ABCG1: variants seen among roughly 807,000 people sequenced by gnomAD.
ABCG1 encodes the protein ATP-binding cassette sub-family G member 1.
Under a neutral mutation model 69.2 loss-of-function variants are expected in ABCG1, and 29 were observed. The ratio of observed to expected loss-of-function variants is 0.42; its 90% CI spans 0.31 to 0.57. ABCG1 has a LOEUF of 0.57. Ranked by LOEUF, ABCG1 falls within the 20% of genes least tolerant of loss-of-function variation. The pLI is 0.15. For missense variants in ABCG1, 718 were observed against 898.1 expected, an observed-to-expected ratio of 0.80 and a Z score of 2.56; for synonymous variants, 370 against 374.8, an observed-to-expected ratio of 0.99 and a Z score of 0.15.
chr21:42,213,234 C>T (rs77516883), upstream of ABCG1, among the ~76,000 whole-genome samples: 3,021 of 152,330 alleles, frequency 0.02, 39 homozygotes, highest in Middle Eastern at 0.037. Context: ...CCCAGGGTGC[C>T]GAGGTCTGGG....
chr21:42,238,200 A>G (rs569064744), intron 2 of ABCG1, among the ~76,000 whole-genome samples: 1 of 152,202 alleles, frequency 6.6e-6, no homozygotes, highest in Non-Finnish European at 1.5e-5. Context: ...CTTCACAGCA[A>G]CCCTGCGGTC....
Position 42,291,545 on chromosome 21 carries a change from G to T in ABCG1, c.1542G>T (p.Ser514=). Residue 514 remains serine (S), a synonymous_variant, in exon 13 of 15, where the codon TCG becomes TCT. Coordinates refer to ENST00000398449, the MANE Select transcript of ABCG1 (RefSeq NM_016818.3). This position sits in a 1 kb window ranked among gnomAD's most constrained non-coding sequence, Gnocchi z 6.4. ...GCAGCATCGTGTACTGGATGACGTC[G>T]CAGCCGTCCGACGCCGTGCGCTTTG... is the stretch of plus-strand genomic sequence containing the variant. The part of the protein sequence containing the change: ...AYCSIVYWMT[S]QPSDAVRFVL... 6.2e-7 allele frequency: 1 copy of T among 1,613,602 alleles called. No homozygotes were observed. Among genetic ancestry groups the T allele is most frequent in the Non-Finnish European group, 8.5e-7 (1 of 1,179,864 alleles).
Position 42,286,008 on chromosome 21 carries a change from T to C in ABCG1, c.973+14T>C. ...CAGCAGATTTTGGTAAGCGGAGTCC[T>C]GAGCAGCTCGGGGGACAGAAAGGGG... On this transcript the variant is annotated intron_variant, in intron 8 of 14. Transcript: ENST00000398449. The C allele has an allele frequency of 1.9e-6, 3 of 1,569,346 alleles. No homozygotes were observed. Among genetic ancestry groups the C allele is most frequent in the Non-Finnish European group, 2.6e-6 (3 of 1,139,318 alleles).
rs1033006542 is a variant in ABCG1, at chr21:42,244,608, C to T, written c.286+18694C>T. Reference sequence around the variant, plus strand: ...AGCTTTTCCTCATCTAAAATCACGGCAGATTTTGAGTTGCAAGGATCACAA... The same window carrying T: ...AGCTTTTCCTCATCTAAAATCACGGTAGATTTTGAGTTGCAAGGATCACAA... On this transcript the variant is annotated intron_variant, in intron 2 of 14. Transcript: ENST00000398449. 3.3e-5 allele frequency among the ~76,000 whole-genome samples: 5 copies of T among 152,216 alleles called. No homozygotes were observed. In the East Asian group the frequency reaches 7.7e-4, roughly 23 times the overall value.
upstream of ABCG1, among the ~76,000 whole-genome samples, chr21:42,211,116 C>T (rs2067585250): frequency 6.6e-6 from 1 of 152,080 alleles, no homozygotes; most frequent in African/African-American, 2.4e-5. Context: ...TGTGCTACCA[C>T]ATCTAGCTAA....
At chr21:42,271,263 A>G (rs1310608319) in intron 3 of ABCG1, 76 bp downstream of exon 3, 1 of 900,776 alleles carries the variant, frequency 1.1e-6, no homozygotes, top group Non-Finnish European at 1.6e-6. Flanking sequence ...AGCTCCTTCC[A>G]TCAGCCCCAT....
At chr21:42,201,873 C>G in intron 2 of ABCG1, 1 of 1,518,180 alleles carries the variant, frequency 6.6e-7, no homozygotes. Context: ...TGGTGAGGGG[C>G]CAGCCCGAGG....
intron 2 of ABCG1, among the ~76,000 whole-genome samples, chr21:42,265,736 G>T (rs2068492570): frequency 6.6e-6 from 1 of 152,158 alleles, no homozygotes; most frequent in Non-Finnish European, 1.5e-5. Flanking sequence ...TTCCAGATGT[G>T]CACCTCTGGT....
upstream of ABCG1, among the ~76,000 whole-genome samples, chr21:42,217,234 G>C (rs1218120128): frequency 6.6e-6 from 1 of 152,162 alleles, no homozygotes. Flanking sequence ...CTGGGTGGGG[G>C]TAGAAGAGGG....
intron 5 of ABCG1, among the ~76,000 whole-genome samples, chr21:42,282,044 G>C (rs895885640): frequency 1.3e-5 from 2 of 152,234 alleles, no homozygotes; most frequent in Non-Finnish European, 2.9e-5. Context: ...GGGCAGTGCA[G>C]AGCCTCTGGG....
At chr21:42,234,798 A>G (rs990391711) in intron 2 of ABCG1, among the ~76,000 whole-genome samples, 4 of 151,784 alleles carry the variant, frequency 2.6e-5, no homozygotes, top group African/African-American at 7.2e-5. Context: ...GCGCTGCCGG[A>G]GCCCCTCGCG....
At chr21:42,211,819 G>A (rs1013318775), upstream of ABCG1, among the ~76,000 whole-genome samples, 3 of 152,182 alleles carry the variant, frequency 2.0e-5, no homozygotes, top group Admixed American at 6.5e-5. Context: ...AATCTGGGGG[G>A]CAGAGGCTGC....
In ABCG1 at chr21:42,271,385, T is replaced by A. The variant is rs183107369; in HGVS notation, c.404+198T>A. Among the ~76,000 whole-genome samples the A allele has an allele frequency of 3.8e-3, 574 of 152,136 alleles. 2 individuals are homozygous for A. Among genetic ancestry groups the A allele is most frequent in the Middle Eastern group, 0.024 (7 of 294 alleles). ...GTGGAGAGCCACACTCAGAGAGGGG[T>A]CCCTGGAGACAGTGGCCACAGCAGC... On this transcript the variant is annotated intron_variant, in intron 3 of 14. Coordinates refer to ENST00000398449, the MANE Select transcript of ABCG1 (RefSeq NM_016818.3).
At chr21:42,216,685 C>A (rs191178298), upstream of ABCG1, among the ~76,000 whole-genome samples, 3 of 152,302 alleles carry the variant, frequency 2.0e-5, no homozygotes, top group Non-Finnish European at 2.9e-5. Context: ...GGTCTTTGGT[C>A]CCAGTAGTCC....
intron 2 of ABCG1, chr21:42,256,625 T>C: frequency 6.7e-7 from 1 of 1,497,090 alleles, no homozygotes; most frequent in Non-Finnish European, 9.0e-7. Context: ...AGGTCAGCTC[T>C]CAGAGTGCTG....
intron 2 of ABCG1, among the ~76,000 whole-genome samples, chr21:42,233,092 C>A (rs1341519740): frequency 1.3e-5 from 2 of 152,126 alleles, no homozygotes; most frequent in Non-Finnish European, 2.9e-5. Context: ...TGAAAAAACG[C>A]AAAAAGATGG....
rs753480353 is a variant in ABCG1, at chr21:42,287,312, G to A, written c.974-577G>A. ...CAGGTGGAGTGGGGAGGTGACGATT[G>A]GGATGCGAGAGGCAGGAGCAGCGGG... On this transcript the variant is annotated intron_variant, in intron 8 of 14. Transcript: ENST00000398449. The surrounding 1 kb of genome is among the most constrained non-coding windows in gnomAD (Gnocchi z 6.2). Among the ~76,000 whole-genome samples the A allele has an allele frequency of 8.5e-5, 13 of 152,196 alleles. No individual in the cohort carries two copies. The highest frequency in any genetic ancestry group is 1.3e-4 in the Non-Finnish European group (9 of 68,030).
At chr21:42,227,124 G>A (rs1036012193) in intron 2 of ABCG1, among the ~76,000 whole-genome samples, 5 of 152,188 alleles carry the variant, frequency 3.3e-5, no homozygotes, top group African/African-American at 1.2e-4. Context: ...GTTGGTGGCT[G>A]GGTAACTGTA....
intron 8 of ABCG1, 75 bp downstream of exon 8, chr21:42,286,069 G>A (rs559157834): frequency 1.4e-5 from 14 of 999,640 alleles, no homozygotes; most frequent in Admixed American, 1.3e-4. Context: ...TTTAGCTGAC[G>A]CCCCCAACTC....
Sources: allele counts gnomAD v4.1 joint callset (sites outside exome capture counted in the v4.1 genomes callset), GRCh38; gene constraint gnomAD v4.1.1; non-coding constraint Gnocchi (gnomAD v3.1); transcripts MANE v1.5; gene names NCBI Gene and HGNC (gene_info 2026-07-23, HGNC 2026-07-21).